Variants in LRGUK observed in about 807,000 individuals in gnomAD.
LRGUK encodes the protein leucine rich repeats and guanylate kinase domain containing, also known as leucine-rich repeat and guanylate kinase domain-containing protein.
Under a neutral mutation model 76.0 loss-of-function variants are expected in LRGUK, and 65 were observed. That is an observed-to-expected ratio of 0.85 (90% CI 0.70 to 1.05). LRGUK has a LOEUF of 1.05. Ranked by LOEUF, LRGUK falls within the 50% of genes least tolerant of loss-of-function variation. LRGUK has a pLI of 0.00. For missense variants in LRGUK, 758 were observed against 732.8 expected, an observed-to-expected ratio of 1.03 and a Z score of -0.40; for synonymous variants, 268 against 265.6, an observed-to-expected ratio of 1.01 and a Z score of -0.09.
At chr7:134,239,396 G>A (rs766885934) in intron 16 of LRGUK, among the ~76,000 whole-genome samples, 1 of 152,232 alleles carries the variant, frequency 6.6e-6, no homozygotes, top group African/African-American at 2.4e-5. Context: ...CACACCAGGA[G>A]ATTATATCCT....
At chr7:134,158,225 T>G in intron 6 of LRGUK, 66 bp downstream of exon 6, 1 of 1,386,012 alleles carries the variant, frequency 7.2e-7, no homozygotes, top group Admixed American at 1.9e-5. Context: ...CTACATGAAT[T>G]ATGACTACTT....
downstream of LRGUK, among the ~76,000 whole-genome samples, chr7:134,264,870 C>A (rs1176526590): frequency 3.3e-5 from 5 of 152,190 alleles, no homozygotes; most frequent in African/African-American, 1.2e-4. Flanking sequence ...TAGTACTATA[C>A]TCATTGTTAA....
the LRGUK span, among the ~76,000 whole-genome samples, chr7:134,273,760 A>G: frequency 2.6e-5 from 4 of 152,118 alleles, no homozygotes; most frequent in Admixed American, 2.6e-4. Flanking sequence ...TATTGTTCAT[A>G]TGCTTATTTT....
chr7:134,185,227 A>C (rs1799933767), intron 11 of LRGUK, among the ~76,000 whole-genome samples: 1 of 152,164 alleles, frequency 6.6e-6, no homozygotes, highest in Non-Finnish European at 1.5e-5. Flanking sequence ...ACAAACAAAC[A>C]AAAAAACCAC....
chr7:134,267,125 G>T (rs1345554), downstream of LRGUK, among the ~76,000 whole-genome samples: 21,723 of 151,956 alleles, frequency 0.14, 3,937 homozygotes, highest in African/African-American at 0.42. Context: ...CCTAAAAGAA[G>T]AGTTGAAGGA....
At chr7:134,201,552 G>A (rs1800773086) in exon 15 of LRGUK, 2 of 1,613,552 alleles carry the variant, frequency 1.2e-6, no homozygotes, top group Non-Finnish European at 1.7e-6. Flanking sequence ...TGAGGAACCT[G>A]CCAAGAGTTT....
exon 20 of LRGUK, chr7:134,264,053 G>A: frequency 7.0e-7 from 1 of 1,432,452 alleles, no homozygotes; most frequent in Non-Finnish European, 9.3e-7. Flanking sequence ...CTGGCCATGG[G>A]TCCAGCTGTT....
chr7:134,202,329 A>AC (rs57674342), intron 15 of LRGUK, among the ~76,000 whole-genome samples: 1 of 150,804 alleles, frequency 6.6e-6, no homozygotes, highest in Non-Finnish European at 1.5e-5. Flanking sequence ...AAAAAAAAAA[A>AC]CAGAAATTAA....
chr7:134,135,878 G>A lies in LRGUK; in HGVS notation c.298-1145G>A, dbSNP rs189613611. On this transcript the variant is annotated intron_variant, in intron 1 of 15. Transcript: ENST00000645682. Reference sequence around the variant, plus strand: ...TCACCGTGTTAGCCAGGATGGTCTCGATCTCCTGACCTTGCGAACCGCCCA... The same window carrying A: ...TCACCGTGTTAGCCAGGATGGTCTCAATCTCCTGACCTTGCGAACCGCCCA... 6.8e-4 allele frequency among the ~76,000 whole-genome samples: 103 copies of A among 152,204 alleles called. 1 individual carries two copies. Among genetic ancestry groups the A allele is most frequent in the African/African-American group, 2.2e-3 (90 of 41,534 alleles).
At chr7:134,203,818 C>T (rs1800889814) in intron 15 of LRGUK, among the ~76,000 whole-genome samples, 1 of 152,140 alleles carries the variant, frequency 6.6e-6, no homozygotes, top group Non-Finnish European at 1.5e-5. Flanking sequence ...TGGAGAAGGG[C>T]TGTGAGTGTA....
chr7:134,183,708 G>C, intron 10 of LRGUK, 26 bp from the exon 11 acceptor site: 1 of 1,612,930 alleles, frequency 6.2e-7, no homozygotes, highest in South Asian at 1.1e-5. Context: ...TGCAATAGGA[G>C]AACTGACTCT....
At chr7:134,234,960 A>G (rs1057341463) in intron 16 of LRGUK, among the ~76,000 whole-genome samples, 8 of 152,078 alleles carry the variant, frequency 5.3e-5, no homozygotes, top group Non-Finnish European at 1.5e-5. Flanking sequence ...AAAAACTTCT[A>G]CTGGCCCTAC....
chr7:134,266,452 C>T (rs2077671), downstream of LRGUK, among the ~76,000 whole-genome samples: 75,802 of 151,904 alleles, frequency 0.5, 19,326 homozygotes, highest in African/African-American at 0.57. Flanking sequence ...GAACAGAAGA[C>T]ATAAAGAAGA....
intron 16 of LRGUK, among the ~76,000 whole-genome samples, chr7:134,242,830 CAGCACCTCATAA>C (rs1047083298): frequency 6.6e-5 from 10 of 152,264 alleles, no homozygotes; most frequent in African/African-American, 2.4e-4. Flanking sequence ...CCAAATTCAG[CAGCACCTCATAA>C]AGCTTATCCA....
intron 4 of LRGUK, among the ~76,000 whole-genome samples, chr7:134,146,693 A>G (rs945266277): frequency 3.3e-5 from 5 of 152,110 alleles, no homozygotes; most frequent in African/African-American, 1.2e-4. Flanking sequence ...TACTCTTGCC[A>G]TTGGAGTTGT....
intron 7 of LRGUK, among the ~76,000 whole-genome samples, chr7:134,168,453 A>G (rs1799090956): frequency 6.6e-6 from 1 of 152,130 alleles, no homozygotes; most frequent in African/African-American, 2.4e-5. Flanking sequence ...CTTCTATCAA[A>G]TGCTTGGTTG....
At chr7:134,159,261 C>T (rs1798618668) in intron 6 of LRGUK, among the ~76,000 whole-genome samples, 1 of 149,644 alleles carries the variant, frequency 6.7e-6, no homozygotes, top group Non-Finnish European at 1.5e-5. Context: ...CACTTGAGCC[C>T]AGGAGGTCAA....
chr7:134,214,948 G>A (rs1801397047), downstream of LRGUK, among the ~76,000 whole-genome samples: 2 of 152,052 alleles, frequency 1.3e-5, no homozygotes, highest in Admixed American at 1.3e-4. Flanking sequence ...CTGTGTTATG[G>A]GAATCTTATA....
At chr7:134,216,026 T>C (rs1203551033) in intron 15 of LRGUK, among the ~76,000 whole-genome samples, 1 of 152,216 alleles carries the variant, frequency 6.6e-6, no homozygotes, top group East Asian at 1.9e-4. Flanking sequence ...AAATTCAAAA[T>C]AATTCTTGAA....
Sources: allele counts gnomAD v4.1 joint callset (sites outside exome capture counted in the v4.1 genomes callset), GRCh38; gene constraint gnomAD v4.1.1; transcripts MANE v1.5; gene names NCBI Gene and HGNC (gene_info 2026-07-23, HGNC 2026-07-21).